TMED7: variants seen among roughly 807,000 people sequenced by gnomAD.
TMED7 encodes the protein transmembrane emp24 domain-containing protein 7.
In TMED7, 8 loss-of-function variants were observed where a neutral mutation model predicts 23.4. The ratio of observed to expected loss-of-function variants is 0.34; its 90% CI spans 0.20 to 0.62. The LOEUF (loss-of-function observed/expected upper bound fraction) is 0.62, where lower values mean the gene tolerates loss of function less well. TMED7 is among the 20% of genes least tolerant of loss of function. TMED7 has a pLI of 0.77. For synonymous variants in TMED7, 121 were observed against 108.5 expected, an observed-to-expected ratio of 1.12 and a Z score of -0.72; for missense variants, 232 against 279.1, an observed-to-expected ratio of 0.83 and a Z score of 1.20.
chr5:115,620,645 T>G lies in TMED7; in HGVS notation c.228A>C (p.Arg76=). 1 of 1,571,984 alleles carries G rather than the reference T, an allele frequency of 6.4e-7. No individual in the cohort carries two copies. The highest frequency in any genetic ancestry group is 8.6e-7 in the Non-Finnish European group (1 of 1,160,448). ...ACACTTTACCATCAGGATCTTCTAA[T>G]CGACAATCTACATCATAGTGACCAC... ...ITGGHYDVDC[R]LEDPDGKVLY... Residue 76 remains arginine (R), a synonymous_variant, in exon 2 of 3, where the codon CGA becomes CGC. Transcript: ENST00000456936.
At chr5:115,625,083 C>A (rs1371976380) in intron 1 of TMED7, among the ~76,000 whole-genome samples, 4 of 152,238 alleles carry the variant, frequency 2.6e-5, no homozygotes, top group Non-Finnish European at 5.9e-5. Flanking sequence ...CAGAAGGGGC[C>A]TCTCATTTAT....
chr5:115,622,674 C>G (rs1757072382), intron 1 of TMED7, among the ~76,000 whole-genome samples: 1 of 152,130 alleles, frequency 6.6e-6, no homozygotes, highest in Admixed American at 6.6e-5. Flanking sequence ...CCCCATCTTT[C>G]CTCATTCCCC....
intron 1 of TMED7, among the ~76,000 whole-genome samples, chr5:115,623,268 C>T (rs1757096556): frequency 6.6e-6 from 1 of 152,234 alleles, no homozygotes; most frequent in African/African-American, 2.4e-5. Flanking sequence ...AGAAAACACC[C>T]TGGAACCAAG....
intron 1 of TMED7, among the ~76,000 whole-genome samples, chr5:115,622,977 T>A (rs532684253): frequency 2.0e-5 from 3 of 152,372 alleles, no homozygotes; most frequent in Admixed American, 6.5e-5. Flanking sequence ...CTGTAGGTTA[T>A]GTTATAAATC....
Position 115,616,214 on chromosome 5 carries a change from A to T in TMED7, c.670T>A (p.Ser224Thr). The T allele has an allele frequency of 6.2e-7, 1 of 1,614,060 alleles. No homozygotes were observed. Among genetic ancestry groups the T allele is most frequent in the East Asian group, 2.2e-5 (1 of 44,882 alleles). The change falls in exon 3 of 3, where the codon TCA becomes ACA. Residue 224 changes from serine to threonine, a missense_variant. Physicochemically the swap from Ser to Thr is moderately conservative, Grantham distance 58. Coordinates refer to ENST00000456936, the MANE Select transcript of TMED7 (RefSeq NM_181836.6). ...DKRTTTTRVG[S>T] The stretch of plus-strand genomic sequence containing the variant: ...CATCAATTCTCAAAACGTAGTTATG[A>T]TCCAACACGAGTTGTGGTGGTTCTT...
intron 2 of TMED7, among the ~76,000 whole-genome samples, chr5:115,618,336 T>A (rs553106142): frequency 6.6e-6 from 1 of 152,352 alleles, no homozygotes; most frequent in African/African-American, 2.4e-5. Context: ...AATAGTATTA[T>A]AACACATGAA....
intron 2 of TMED7, among the ~76,000 whole-genome samples, chr5:115,619,520 C>T (rs1756940599): frequency 6.6e-6 from 1 of 152,060 alleles, no homozygotes; most frequent in South Asian, 2.1e-4. Flanking sequence ...TATCCCTTAT[C>T]CAAAATGTTT....
rs373111137 is a variant in TMED7, at chr5:115,620,572, A to G, written c.301T>C (p.Ser101Pro). The G allele has an allele frequency of 1.9e-6, 3 of 1,607,190 alleles. No individual in the cohort carries two copies. In the African/African-American group the frequency reaches 4.0e-5, roughly 22 times the overall value. The change falls in exon 2 of 3, where the codon TCC (serine) becomes CCC (proline). Residue 101 changes from serine to proline, a missense_variant. By Grantham distance (74) the Ser-to-Pro change is moderately conservative. This residue lies in a region of TMED7 where 126 missense variants were observed against 182.1 expected (regional missense o/e 0.69). Coordinates refer to ENST00000456936, the MANE Select transcript of TMED7 (RefSeq NM_181836.6). ...CAAAATTTGTATGTCCCATTTTTGG[A>G]GGCTGTGAAGGTAAAACTATCATAC... is the stretch of plus-strand genomic sequence containing the variant. The part of the protein sequence containing the change: ...KQYDSFTFTA[S>P]KNGTYKFCFS...
rs1174063599 is a variant in TMED7 at position 115,614,156 on chromosome 5, A to G, written c.*2053T>C. 6.6e-6 allele frequency: 1 copy of G among 152,176 alleles called. No homozygotes were observed. The highest frequency in any genetic ancestry group is 2.4e-5 in the African/African-American group (1 of 41,470). 9.4% of individuals were successfully genotyped at this position (152,176 alleles called of 1,614,324 possible). A position where few individuals can be genotyped will look rare whatever the true frequency, so the allele number is the denominator to read the frequency against. ...TAATTTACATACACATATCCAGTTG[A>G]GTATAGACAACCATCAAAATGTAAC... On this transcript the variant is annotated 3_prime_UTR_variant, in exon 3 of 3. Coordinates refer to ENST00000456936, the MANE Select transcript of TMED7 (RefSeq NM_181836.6).
chr5:115,621,383 C>G (rs934842245), intron 1 of TMED7, among the ~76,000 whole-genome samples: 3 of 152,118 alleles, frequency 2.0e-5, no homozygotes, highest in Non-Finnish European at 4.4e-5. Context: ...TCATTTACAA[C>G]CTTGTTTTGA....
intron 2 of TMED7, 99 bp from the exon 3 acceptor site, chr5:115,616,544 GACTA>G: frequency 1.6e-5 from 24 of 1,531,648 alleles, no homozygotes; most frequent in Non-Finnish European, 2.1e-5. Context: ...TTCCTCTTTT[GACTA>G]ACATGCTACT....
At chr5:115,622,271 T>C (rs929964578) in intron 1 of TMED7, among the ~76,000 whole-genome samples, 4 of 152,180 alleles carry the variant, frequency 2.6e-5, no homozygotes, top group African/African-American at 9.6e-5. Context: ...CACTTAACAG[T>C]ATCCCTTTAA....
intron 2 of TMED7, 178 bp downstream of exon 2, chr5:115,620,257 A>G (rs988239838): frequency 3.5e-6 from 3 of 846,500 alleles, no homozygotes; most frequent in Non-Finnish European, 3.2e-6. Context: ...TTTCAACATT[A>G]TTTTTCACTA....
At chr5:115,625,519 A>G (rs1229397002) in intron 1 of TMED7, 82 bp downstream of exon 1, 1 of 1,358,550 alleles carries the variant, frequency 7.4e-7, no homozygotes, top group East Asian at 3.0e-5. Flanking sequence ...GGAAACACGG[A>G]CAGGAAAGTG....
In TMED7 at chr5:115,616,152, T is replaced by C. The variant is rs1441928969; in HGVS notation, c.*57A>G. On this transcript the variant is annotated 3_prime_UTR_variant, in exon 3 of 3. Coordinates refer to ENST00000456936, the MANE Select transcript of TMED7 (RefSeq NM_181836.6). ...ATATTAAGTTCTTCAGTACCTAAAA[T>C]TAATTAGAGGACAGCAATATTACAG... The C allele has an allele frequency of 5.2e-6, 8 of 1,535,756 alleles. No homozygotes were observed. In the Admixed American group the frequency reaches 1.4e-4, roughly 27 times the overall value.
Position 115,615,827 on chromosome 5 carries a change from T to C in TMED7, c.*382A>G. 1 of 210,284 alleles carries C rather than the reference T, an allele frequency of 4.8e-6. No individual in the cohort carries two copies. Among genetic ancestry groups the C allele is most frequent in the South Asian group, 8.4e-5 (1 of 11,910 alleles). The allele number at this position is 210,284 out of a possible 1,614,324, so 13.0% of individuals were successfully genotyped here. A position where few individuals can be genotyped will look rare whatever the true frequency, so the allele number is the denominator to read the frequency against. On this transcript the variant is annotated 3_prime_UTR_variant, in exon 3 of 3. Transcript: ENST00000456936. ...AACAATTAAAAGGCAATTTTCTTCC[T>C]CCCTAACACATGTAGACATTAAATC... is the stretch of plus-strand genomic sequence containing the variant.
chr5:115,625,258 G>A (rs1046210345), intron 1 of TMED7, among the ~76,000 whole-genome samples: 3 of 152,206 alleles, frequency 2.0e-5, no homozygotes, highest in Non-Finnish European at 4.4e-5. Context: ...AATTGGAGGT[G>A]TGGATTAGAG....
Position 115,616,342 on chromosome 5 carries a change from T to A in TMED7, c.542A>T (p.Asp181Val), listed in dbSNP as rs767129261. ...CCAATAGGCCACTCTTGTATTTAGA[T>A]CCTCTGCTCGGCTTCGGCCTTGAGC... Reference protein sequence around the residue: ...REAQGRSRAEDLNTRVAYWSV... With the variant: ...REAQGRSRAEVLNTRVAYWSV... The change falls in exon 3 of 3, where the codon GAT becomes GTT. Residue 181 changes from aspartate to valine, a missense_variant. Physicochemically the swap from Asp to Val is radical, Grantham distance 152. Transcript: ENST00000456936. The A allele has an allele frequency of 6.1e-5, 99 of 1,614,076 alleles. 1 individual carries two copies. The highest frequency in any genetic ancestry group is 8.1e-5 in the Non-Finnish European group (96 of 1,180,018).
chr5:115,615,770 G>C lies in TMED7; in HGVS notation c.*439C>G, dbSNP rs2112564240. 1 of 190,532 alleles carries C rather than the reference G, an allele frequency of 5.2e-6. No individual in the cohort carries two copies. Among genetic ancestry groups the C allele is most frequent in the Non-Finnish European group, 1.1e-5 (1 of 90,208 alleles). 11.8% of individuals were successfully genotyped at this position (190,532 alleles called of 1,614,324 possible). A position where few individuals can be genotyped will look rare whatever the true frequency, so the allele number is the denominator to read the frequency against. The stretch of plus-strand genomic sequence containing the variant: ...ACTGAACAGTGCAGAATAGGGCTTG[G>C]GCTACAGTTCATCACATTTGGTTTT... On this transcript the variant is annotated 3_prime_UTR_variant, in exon 3 of 3. Transcript: ENST00000456936.
Sources: allele counts gnomAD v4.1 joint callset (sites outside exome capture counted in the v4.1 genomes callset), GRCh38; gene constraint gnomAD v4.1.1; regional missense constraint gnomAD v4.1.1; transcripts MANE v1.5; gene names NCBI Gene and HGNC (gene_info 2026-07-23, HGNC 2026-07-21).